The following ZFP30 variants were observed in gnomAD, a reference collection of about 807,000 sequenced individuals.
The protein encoded by ZFP30 is zinc finger protein 30 homolog.
Under a neutral mutation model 12.3 loss-of-function variants are expected in ZFP30, and 16 were observed. That is an observed-to-expected ratio of 1.30 (90% CI 0.88 to 1.98). ZFP30 has a LOEUF of 1.98. Among genes scored for constraint, ZFP30 ranks in the 30% most tolerant of loss-of-function variants. ZFP30 has a pLI of 0.00. For missense variants in ZFP30, 560 were observed against 611.2 expected (o/e 0.92, Z 0.88); for synonymous variants, 172 against 201.0 (o/e 0.86, Z 1.22).
At chr19:37,656,078 C>G (rs1484985962), upstream of ZFP30, 1 of 152,636 alleles carries the variant, frequency 6.6e-6, no homozygotes, top group South Asian at 2.1e-4. Context: ...CGCGTGCTGC[C>G]TGTGGTGTTT....
intron 5 of ZFP30, 74 bp from the exon 6 acceptor site, chr19:37,636,379 A>G: frequency 7.7e-7 from 1 of 1,295,658 alleles, no homozygotes; most frequent in South Asian, 2.3e-5. Context: ...TATAATAGAA[A>G]TCGGTGACCA....
In ZFP30 at chr19:37,636,063, A is replaced by C; in HGVS notation, c.478T>G (p.Cys160Gly). 1 of 1,614,170 alleles carries C rather than the reference A, an allele frequency of 6.2e-7. No individual in the cohort carries two copies. The highest frequency in any genetic ancestry group is 8.5e-7 in the Non-Finnish European group (1 of 1,180,038). ...CTAAAAGCCTTCCCACATTCCCCAC[A>C]TTCGTAGGGTTTCTCTCTGTTATGA... ...KSHNREKPYE[C>G]GECGKAFRVR... Residue 160 changes from cysteine to glycine, a missense_variant, in exon 6 of 6, where the codon TGT becomes GGT. Coordinates refer to ENST00000684514, the MANE Select transcript of ZFP30 (RefSeq NM_001320669.3).
Position 37,632,110 on chromosome 19 carries a change from A to G in ZFP30, c.*2871T>C, listed in dbSNP as rs544064404. ...GGAGAGTAGGATTTTTTTTTTTTAA[A>G]GTTAGATTCTAAATGTATTCTTTTA... On this transcript the variant is annotated 3_prime_UTR_variant, in exon 6 of 6. Transcript: ENST00000684514. 41 of 151,592 alleles carry G rather than the reference A, an allele frequency of 2.7e-4. No homozygotes were observed. The highest frequency in any genetic ancestry group is 1.0e-3 in the Admixed American group (16 of 15,254). 9.4% of individuals were successfully genotyped at this position (151,592 alleles called of 1,614,324 possible).
Position 37,634,677 on chromosome 19 carries a change from CCT to C in ZFP30, c.*302_*303del. The C allele has an allele frequency of 4.2e-6, 1 of 240,586 alleles. No homozygotes were observed. The highest frequency in any genetic ancestry group is 1.7e-4 in the South Asian group (1 of 5,750). 14.9% of individuals were successfully genotyped at this position (240,586 alleles called of 1,614,324 possible). A position where few individuals can be genotyped will look rare whatever the true frequency, so the allele number is the denominator to read the frequency against. ...TCAGAATGAAGTGGTTCCCTAGCAA[CCT>C]TCGTGTGTATATACACAGATGGAAG... On this transcript the variant is annotated 3_prime_UTR_variant, in exon 6 of 6. Coordinates refer to ENST00000684514, the MANE Select transcript of ZFP30 (RefSeq NM_001320669.3).
intron 5 of ZFP30, among the ~76,000 whole-genome samples, chr19:37,639,312 C>T (rs1479424951): frequency 3.9e-5 from 6 of 152,120 alleles, no homozygotes; most frequent in Non-Finnish European, 1.5e-5. Context: ...ATAAGATGCT[C>T]ATTTCAAAGG....
intron 5 of ZFP30, among the ~76,000 whole-genome samples, chr19:37,639,863 T>C (rs2044401136): frequency 6.6e-6 from 1 of 152,120 alleles, no homozygotes; most frequent in Admixed American, 6.6e-5. Flanking sequence ...GCTCCCTACT[T>C]AAGTGACAAG....
chr19:37,641,027 G>A (rs770859531), intron 5 of ZFP30, among the ~76,000 whole-genome samples: 2 of 152,074 alleles, frequency 1.3e-5, no homozygotes, highest in Non-Finnish European at 2.9e-5. Flanking sequence ...ATGAAATACT[G>A]AATAATCCTC....
In ZFP30 at chr19:37,635,593, A is replaced by T; in HGVS notation, c.948T>A (p.His316Gln). Residue 316 changes from histidine to glutamine, a missense_variant, in exon 6 of 6, where the codon CAT becomes CAA. His to Gln is a conservative substitution (Grantham distance 24, BLOSUM62 0). Transcript: ENST00000684514. ...AFLCSTGLRL[H>Q]HKLHTGEKPY... ...GTTTTTCTCCAGTATGAAGTTTGTG[A>T]TGTAGTCGAAGGCCTGTACTACACA... 1 of 1,614,142 alleles carries T rather than the reference A, an allele frequency of 6.2e-7. No homozygotes were observed. The highest frequency in any genetic ancestry group is 1.1e-5 in the South Asian group (1 of 91,078).
At chr19:37,647,994 T>C in intron 2 of ZFP30, 95 bp from the exon 3 acceptor site, 1 of 651,536 alleles carries the variant, frequency 1.5e-6, no homozygotes, top group Non-Finnish European at 2.6e-6. Flanking sequence ...TATATGCAAC[T>C]CCCACCCCCA....
chr19:37,635,478 CAT>C lies in ZFP30; in HGVS notation c.1061_1062del (p.Tyr354Ter), dbSNP rs750610355. 10 of 1,614,130 alleles carry C rather than the reference CAT, an allele frequency of 6.2e-6. No individual in the cohort carries two copies. The highest frequency in any genetic ancestry group is 8.5e-6 in the Non-Finnish European group (10 of 1,180,024). On this transcript the variant is annotated frameshift_variant, in exon 6 of 6. Transcript: ENST00000684514. LOFTEE classifies it low-confidence loss of function (END_TRUNC). ...HQRIHTGEKP[Y>X]DCKECGKTFS... ...AAAGTCTTCCCACATTCCTTACAAT[CAT>C]AAGGCTTCTCACCAGTGTGAATTCT...
intron 3 of ZFP30, 127 bp downstream of exon 3, chr19:37,647,683 TGGAA>T: frequency 8.8e-7 from 1 of 1,141,344 alleles, no homozygotes; most frequent in Non-Finnish European, 1.3e-6. Flanking sequence ...CATCCCGTGC[TGGAA>T]TGGGGAAGAC....
rs2044306220 is a variant in ZFP30 at position 37,635,563 on chromosome 19, A to G, written c.978T>C (p.Tyr326=). 1 of 1,614,128 alleles carries G rather than the reference A, an allele frequency of 6.2e-7. No homozygotes were observed. The highest frequency in any genetic ancestry group is 1.7e-5 in the Admixed American group (1 of 60,014). ...HHKLHTGEKP[Y]ECKECGKAFR... is the part of the protein sequence containing the mutation. ...AGGCCTTTCCACACTCCTTACATTC[A>G]TAGGGTTTTTCTCCAGTATGAAGTT... Residue 326 remains tyrosine, a synonymous_variant, in exon 6 of 6, where the codon TAT becomes TAC. Transcript: ENST00000684514.
Position 37,643,350 on chromosome 19 carries a change from A to G in ZFP30, c.150T>C (p.Ile50=), listed in dbSNP as rs766173903. ...ATAGGGTGATCACATCTGGCTTAGA[A>G]ATAGAACATCCTGCTTAAAAATAAA... is the stretch of plus-strand genomic sequence containing the variant. ...SNLVSLAGCS[I]SKPDVITLLE... is the part of the protein sequence containing the mutation. Residue 50 remains isoleucine (I), a synonymous_variant, in exon 5 of 6, where the codon ATT becomes ATC. Coordinates refer to ENST00000684514, the MANE Select transcript of ZFP30 (RefSeq NM_001320669.3). 6.3e-7 allele frequency: 1 copy of G among 1,589,138 alleles called. No individual in the cohort carries two copies. Among genetic ancestry groups the G allele is most frequent in the Non-Finnish European group, 8.6e-7 (1 of 1,168,636 alleles).
At chr19:37,647,969 C>G (rs2044575328) in intron 2 of ZFP30, 70 bp from the exon 3 acceptor site, 3 of 828,460 alleles carry the variant, frequency 3.6e-6, no homozygotes. Context: ...AAAACTGGTA[C>G]TACTTCTCCA....
At chr19:37,637,077 G>T (rs1321772428) in intron 5 of ZFP30, among the ~76,000 whole-genome samples, 1 of 152,012 alleles carries the variant, frequency 6.6e-6, no homozygotes, top group African/African-American at 2.4e-5. Flanking sequence ...ACTTGGGTTT[G>T]CATGGTTGGG....
chr19:37,641,657 C>T (rs1370270538), intron 5 of ZFP30, among the ~76,000 whole-genome samples: 3 of 152,172 alleles, frequency 2.0e-5, no homozygotes, highest in Non-Finnish European at 4.4e-5. Context: ...CACATAACCA[C>T]AATACCATTA....
At position 37,636,068 on chromosome 19, in the gene ZFP30, T is replaced by C. The variant is rs1325188557; in HGVS notation, c.473A>G (p.Tyr158Cys). ...AGCCTTCCCACATTCCCCACATTCG[T>C]AGGGTTTCTCTCTGTTATGACTTTT... ...YQKSHNREKP[Y>C]ECGECGKAFR... Residue 158 changes from tyrosine (Y) to cysteine (C), a missense_variant, in exon 6 of 6, where the codon TAC becomes TGC. Transcript: ENST00000684514. 2 of 1,614,030 alleles carry C rather than the reference T, an allele frequency of 1.2e-6. No individual in the cohort carries two copies. The highest frequency in any genetic ancestry group is 1.7e-5 in the Admixed American group (1 of 60,002).
chr19:37,650,295 G>C (rs146798743), intron 2 of ZFP30, among the ~76,000 whole-genome samples: 1 of 151,958 alleles, frequency 6.6e-6, no homozygotes, highest in East Asian at 1.9e-4. Flanking sequence ...TTTTTACCGC[G>C]ATGCAGTCTA....
intron 5 of ZFP30, among the ~76,000 whole-genome samples, chr19:37,637,539 G>A (rs1159402917): frequency 6.6e-6 from 1 of 152,040 alleles, no homozygotes; most frequent in Middle Eastern, 3.4e-3. Flanking sequence ...TGCCCAAGCT[G>A]AAGTGCAGTG....
Sources: allele counts gnomAD v4.1 joint callset (sites outside exome capture counted in the v4.1 genomes callset), GRCh38; gene constraint gnomAD v4.1.1; transcripts MANE v1.5; gene names NCBI Gene and HGNC (gene_info 2026-07-23, HGNC 2026-07-21).